The following SOX6 variants were observed in gnomAD, a reference collection of about 807,000 sequenced individuals.
The protein encoded by SOX6 is transcription factor SOX-6.
In SOX6, 11 loss-of-function variants were observed where a neutral mutation model predicts 97.8. The observed-to-expected ratio is 0.11, with a 90% CI of 0.07 to 0.19. The LOEUF is 0.19. SOX6 is among the 10% of genes least tolerant of loss of function. The pLI is 1.00. For synonymous variants in SOX6, 360 were observed against 371.4 expected (o/e 0.97, Z 0.35); for missense variants, 810 against 1,039.5 (o/e 0.78, Z 3.04).
rs146217322 is a variant in SOX6, at chr11:16,102,830, A to C, written c.899-5142T>G. Among the ~76,000 whole-genome samples the C allele has an allele frequency of 2.6e-3, 400 of 152,064 alleles. 1 individual carries two copies. The highest frequency in any genetic ancestry group is 4.5e-3 in the Non-Finnish European group (304 of 67,868). ...GGAATAATTGGCAAGCCACACGTAG[A>C]ATGAATCTGGATCCTCATCTCTCAC... On this transcript the variant is annotated intron_variant, in intron 7 of 15. Coordinates refer to ENST00000683767, the MANE Select transcript of SOX6 (RefSeq NM_001367873.1).
At chr11:16,569,649 C>G (rs1257064468) in intron 4 of SOX6, among the ~76,000 whole-genome samples, 1 of 151,782 alleles carries the variant, frequency 6.6e-6, no homozygotes, top group Non-Finnish European at 1.5e-5. Flanking sequence ...AAATGATCAC[C>G]TGAGGTCAGA....
At chr11:16,123,407 T>C (rs965718348) in intron 6 of SOX6, among the ~76,000 whole-genome samples, 2 of 151,992 alleles carry the variant, frequency 1.3e-5, no homozygotes, top group Non-Finnish European at 2.9e-5. Context: ...GGCTCAGCCA[T>C]GGCAAATTGT....
intron 15 of SOX6, among the ~76,000 whole-genome samples, chr11:15,973,583 C>G (rs998599077): frequency 2.6e-5 from 4 of 152,132 alleles, no homozygotes; most frequent in African/African-American, 9.7e-5. Context: ...TGAGAAGGGA[C>G]CTAGCATGTC....
chr11:16,334,317 G>A lies in SOX6; in HGVS notation c.237+6695C>T, dbSNP rs150750204. On this transcript the variant is annotated intron_variant, in intron 2 of 15. Transcript: ENST00000683767. ...TTATATTTTGGCAGGTGCTCAATAC[G>A]CAGCCCACATAATCACATGTTAATG... 1.2e-4 allele frequency among the ~76,000 whole-genome samples: 18 copies of A among 152,102 alleles called. No individual in the cohort carries two copies. The East Asian group carries it at 3.5e-3, about 29-fold the overall frequency.
intron 1 of SOX6, among the ~76,000 whole-genome samples, chr11:16,431,704 T>C (rs1565143702): frequency 6.6e-6 from 1 of 152,182 alleles, no homozygotes; most frequent in Non-Finnish European, 1.5e-5. Flanking sequence ...TTAATTGTTA[T>C]TGGTAACTTG....
intron 4 of SOX6, among the ~76,000 whole-genome samples, chr11:16,568,797 T>A (rs1847904772): frequency 6.6e-6 from 1 of 152,192 alleles, no homozygotes; most frequent in Admixed American, 6.5e-5. Flanking sequence ...CATTATAGAA[T>A]ATGGAAACAT....
At chr11:16,217,324 C>A (rs1378051755) in intron 4 of SOX6, among the ~76,000 whole-genome samples, 1 of 152,112 alleles carries the variant, frequency 6.6e-6, no homozygotes, top group East Asian at 1.9e-4. Context: ...GGTGGTTTTA[C>A]TAACTTGAGT....
At chr11:16,388,244 C>A (rs545340899) in intron 1 of SOX6, among the ~76,000 whole-genome samples, 31 of 152,148 alleles carry the variant, frequency 2.0e-4, no homozygotes, top group African/African-American at 7.5e-4. Flanking sequence ...AAATGTTAAA[C>A]CAATCTTGTA....
intron 6 of SOX6, among the ~76,000 whole-genome samples, chr11:16,145,009 C>T (rs1850252111): frequency 6.6e-6 from 1 of 152,176 alleles, no homozygotes; most frequent in Non-Finnish European, 1.5e-5. Context: ...ATGAGGCCAG[C>T]ATCATCCTGA....
intron 3 of SOX6, among the ~76,000 whole-genome samples, chr11:16,265,595 G>A (rs1854060277): frequency 6.6e-6 from 1 of 151,828 alleles, no homozygotes. Flanking sequence ...TGACCCTAAT[G>A]AGGAGAACTA....
intron 4 of SOX6, among the ~76,000 whole-genome samples, chr11:16,498,880 G>A (rs1170921749): frequency 6.6e-6 from 1 of 152,146 alleles, no homozygotes. Context: ...ACACCCCACT[G>A]TCAACATTAG....
At chr11:16,161,640 A>G (rs1022792757) in intron 6 of SOX6, among the ~76,000 whole-genome samples, 7 of 152,174 alleles carry the variant, frequency 4.6e-5, no homozygotes, top group Non-Finnish European at 8.8e-5. Flanking sequence ...CTGCTGAGAC[A>G]AAAAGCTGCT....
At chr11:16,469,061 G>T (rs1466806340) in intron 1 of SOX6, among the ~76,000 whole-genome samples, 1 of 150,930 alleles carries the variant, frequency 6.6e-6, no homozygotes, top group Admixed American at 6.6e-5. Flanking sequence ...AAAGAACAGA[G>T]GAACTTGGTA....
chr11:16,175,084 T>A (rs1413020479), intron 6 of SOX6, among the ~76,000 whole-genome samples: 2 of 151,958 alleles, frequency 1.3e-5, no homozygotes, highest in African/African-American at 4.8e-5. Flanking sequence ...CTCTGTACTA[T>A]CATGGTGATA....
At chr11:16,217,387 TA>T (rs1282509696) in intron 4 of SOX6, among the ~76,000 whole-genome samples, 1 of 152,172 alleles carries the variant, frequency 6.6e-6, no homozygotes, top group Non-Finnish European at 1.5e-5. Flanking sequence ...TAAAGAGTTA[TA>T]TAAGTTAGAA....
intron 4 of SOX6, among the ~76,000 whole-genome samples, chr11:16,486,666 G>C (rs892734050): frequency 6.6e-6 from 1 of 152,214 alleles, no homozygotes; most frequent in East Asian, 1.9e-4. Flanking sequence ...TTTGAGACCA[G>C]CCTGGCCAAC....
chr11:16,386,125 C>T (rs1565124857), intron 1 of SOX6, among the ~76,000 whole-genome samples: 1 of 152,076 alleles, frequency 6.6e-6, no homozygotes, highest in Non-Finnish European at 1.5e-5. Flanking sequence ...GCATATGGCC[C>T]TTGAGGAATA....
intron 1 of SOX6, among the ~76,000 whole-genome samples, chr11:16,365,071 C>G (rs542542113): frequency 2.0e-5 from 3 of 152,032 alleles, no homozygotes; most frequent in East Asian, 1.9e-4. Context: ...TTAAGAGACA[C>G]GTTCACATAA....
chr11:16,352,419 T>C (rs967372818), intron 1 of SOX6, among the ~76,000 whole-genome samples: 1 of 152,100 alleles, frequency 6.6e-6, no homozygotes, highest in Non-Finnish European at 1.5e-5. Flanking sequence ...TTTCATTTAG[T>C]TCTTAGAGCA....
Sources: gnomAD v4.1 joint callset for allele counts (sites outside exome capture counted in the v4.1 genomes callset) on GRCh38, gnomAD v4.1.1 for gene constraint, MANE v1.5 for transcripts, NCBI Gene and HGNC (gene_info 2026-07-23, HGNC 2026-07-21) for gene names.